Variants in MEGF11 observed in about 807,000 individuals in gnomAD.
The protein encoded by MEGF11 is multiple epidermal growth factor-like domains protein 11.
Under a neutral mutation model 146.6 loss-of-function variants are expected in MEGF11, and 126 were observed. The observed-to-expected ratio is 0.86, with a 90% confidence interval of 0.74 to 1.00. MEGF11 has a LOEUF of 1.00. MEGF11 is among the 50% of genes least tolerant of loss of function. The pLI is 0.00. For missense variants in MEGF11, 1,509 were observed against 1,521.2 expected, an observed-to-expected ratio of 0.99 and a Z score of 0.13; for synonymous variants, 532 against 583.4, an observed-to-expected ratio of 0.91 and a Z score of 1.27.
intron 1 of MEGF11, among the ~76,000 whole-genome samples, chr15:66,136,028 A>G (rs2088871657): frequency 6.6e-6 from 1 of 151,754 alleles, no homozygotes; most frequent in South Asian, 2.1e-4. Flanking sequence ...TCACCCTTGC[A>G]CTTCAGGTTT....
chr15:66,134,459 G>T (rs913450666), intron 1 of MEGF11, among the ~76,000 whole-genome samples: 1 of 152,074 alleles, frequency 6.6e-6, no homozygotes, highest in South Asian at 2.1e-4. Context: ...CACCTGCCTG[G>T]CCCCTCCCCA....
chr15:66,119,027 C>T, intron 4 of MEGF11, 59 bp downstream of exon 4: 1 of 1,191,242 alleles, frequency 8.4e-7, no homozygotes, highest in Non-Finnish European at 1.2e-6. Context: ...CTCCCCTCCC[C>T]TCCTTTTGCC....
intron 5 of MEGF11, among the ~76,000 whole-genome samples, chr15:66,068,829 C>G (rs115909689): frequency 2.0e-5 from 3 of 152,180 alleles, no homozygotes; most frequent in African/African-American, 7.2e-5. Flanking sequence ...ACCCTAGTGA[C>G]AATGCATGAG....
chr15:65,914,908 G>A (rs1440205116), intron 19 of MEGF11, among the ~76,000 whole-genome samples: 1 of 152,150 alleles, frequency 6.6e-6, no homozygotes, highest in African/African-American at 2.4e-5. Context: ...CAGGCACCCC[G>A]CTGAATCTCT....
chr15:66,062,424 T>C (rs1000542252), intron 5 of MEGF11, among the ~76,000 whole-genome samples: 3 of 152,214 alleles, frequency 2.0e-5, no homozygotes, highest in Non-Finnish European at 2.9e-5. Context: ...GGCAGAGAAC[T>C]GTGGGCAGCC....
At chr15:66,054,002 T>C (rs555240252) in intron 5 of MEGF11, among the ~76,000 whole-genome samples, 1 of 152,034 alleles carries the variant, frequency 6.6e-6, no homozygotes, top group Admixed American at 6.5e-5. Flanking sequence ...GGATTATAGA[T>C]TTGAGCCACC....
intron 1 of MEGF11, among the ~76,000 whole-genome samples, chr15:66,212,914 A>G (rs1277280434): frequency 6.6e-6 from 1 of 152,242 alleles, no homozygotes; most frequent in Non-Finnish European, 1.5e-5. Flanking sequence ...GGTTCCAGAC[A>G]GTGGAGGCAG....
intron 1 of MEGF11, among the ~76,000 whole-genome samples, chr15:66,237,720 G>C (rs1432303581): frequency 6.6e-6 from 1 of 152,194 alleles, no homozygotes; most frequent in Non-Finnish European, 1.5e-5. Context: ...GCTGTCTGGA[G>C]GGCAGTCTGC....
chr15:66,074,343 T>C lies in MEGF11; in HGVS notation c.394+20059A>G, dbSNP rs1451205686. Among the ~76,000 whole-genome samples, 4 of 152,220 alleles carry C rather than the reference T, an allele frequency of 2.6e-5. No homozygotes were observed. In the East Asian group the frequency reaches 7.7e-4, roughly 29 times the overall value. Reference sequence around the variant, plus strand: ...TTTGAGATTCATCCAAGTAGACAGGTATAGCGCTAGTTCATTCATTTTAAC... The same window carrying C: ...TTTGAGATTCATCCAAGTAGACAGGCATAGCGCTAGTTCATTCATTTTAAC... On this transcript the variant is annotated intron_variant, in intron 5 of 25. Coordinates refer to ENST00000395614, the MANE Select transcript of MEGF11 (RefSeq NM_001385028.1).
intron 16 of MEGF11, among the ~76,000 whole-genome samples, chr15:65,917,693 T>C (rs79257495): frequency 0.065 from 9,870 of 152,268 alleles, 441 homozygotes; most frequent in Non-Finnish European, 0.093. Context: ...CTGCTCCTTG[T>C]GCAGGTGCTA....
intron 7 of MEGF11, chr15:65,971,004 T>C (rs1174203937): frequency 2.6e-6 from 1 of 378,804 alleles, no homozygotes; most frequent in Non-Finnish European, 4.9e-6. Flanking sequence ...AACCGCTAAG[T>C]ACAAGGCAGT....
At chr15:66,184,580 C>A (rs1233375775) in intron 1 of MEGF11, among the ~76,000 whole-genome samples, 2 of 150,286 alleles carry the variant, frequency 1.3e-5, no homozygotes, top group Non-Finnish European at 3.0e-5. Context: ...TCGCTACCTG[C>A]CCACCCCCTA....
intron 1 of MEGF11, among the ~76,000 whole-genome samples, chr15:66,233,144 A>T (rs2140208447): frequency 6.6e-6 from 1 of 152,356 alleles, no homozygotes; most frequent in East Asian, 1.9e-4. Context: ...ACCAGCACCT[A>T]GCATAGAGCA....
rs189471159 is a variant in MEGF11 at position 66,010,234 on chromosome 15, C to T, written c.395-27746G>A. Among the ~76,000 whole-genome samples the T allele has an allele frequency of 7.9e-5, 12 of 150,960 alleles. No individual in the cohort carries two copies. In the East Asian group the frequency reaches 2.3e-3, roughly 29 times the overall value. ...TTTTGAGACAGTCTCACTCTATTAC[C>T]CAGGCTGGAATGCAGTAGCATGATC... is the stretch of plus-strand genomic sequence containing the variant. On this transcript the variant is annotated intron_variant, in intron 5 of 25. Transcript: ENST00000395614.
chr15:66,145,811 C>T (rs947851002), intron 1 of MEGF11, among the ~76,000 whole-genome samples: 3 of 152,262 alleles, frequency 2.0e-5, no homozygotes, highest in South Asian at 2.1e-4. Flanking sequence ...TGAGTGACTC[C>T]GGACAAATGA....
At chr15:66,198,239 G>A (rs2091058922) in intron 1 of MEGF11, among the ~76,000 whole-genome samples, 1 of 152,190 alleles carries the variant, frequency 6.6e-6, no homozygotes, top group Admixed American at 6.5e-5. Context: ...AACAGAGGCG[G>A]GGAGATTCTT....
At chr15:66,103,127 A>T (rs1423130093) in intron 4 of MEGF11, among the ~76,000 whole-genome samples, 1 of 152,252 alleles carries the variant, frequency 6.6e-6, no homozygotes, top group Non-Finnish European at 1.5e-5. Flanking sequence ...AGTGGGACAG[A>T]TGGCTGGATA....
At chr15:66,087,726 C>T (rs1597070247) in intron 5 of MEGF11, among the ~76,000 whole-genome samples, 1 of 152,158 alleles carries the variant, frequency 6.6e-6, no homozygotes, top group African/African-American at 2.4e-5. Context: ...TCTGAAAGAA[C>T]ACAAATAGAT....
chr15:65,933,322 G>A (rs1320292008), intron 10 of MEGF11, among the ~76,000 whole-genome samples: 4 of 152,212 alleles, frequency 2.6e-5, no homozygotes, highest in South Asian at 2.1e-4. Context: ...CAGGCACAGC[G>A]TATGCCTTTC....
Sources: gnomAD v4.1 joint callset for allele counts (sites outside exome capture counted in the v4.1 genomes callset) on GRCh38, gnomAD v4.1.1 for gene constraint, MANE v1.5 for transcripts, NCBI Gene and HGNC (gene_info 2026-07-23, HGNC 2026-07-21) for gene names.